Variants in OTUD7A observed in about 807,000 individuals in gnomAD.
The protein encoded by OTUD7A is OTU deubiquitinase 7A.
In OTUD7A, 12 loss-of-function variants were observed where a neutral mutation model predicts 65.7. The ratio of observed to expected loss-of-function variants is 0.18; its 90% CI spans 0.12 to 0.30. OTUD7A has a LOEUF of 0.30. OTUD7A is among the 10% of genes least tolerant of loss of function. The pLI is 1.00. For synonymous variants in OTUD7A, 641 were observed against 586.3 expected, an observed-to-expected ratio of 1.09 and a Z score of -1.35; for missense variants, 1,148 against 1,304.8, an observed-to-expected ratio of 0.88 and a Z score of 1.85.
At chr15:31,507,350 G>A (rs554141624) in intron 8 of OTUD7A, among the ~76,000 whole-genome samples, 1 of 152,206 alleles carries the variant, frequency 6.6e-6, no homozygotes, top group Admixed American at 6.5e-5. Context: ...TTTTAGATCT[G>A]TATGTTTTTT....
intron 1 of OTUD7A, among the ~76,000 whole-genome samples, chr15:31,750,976 G>A (rs1282628308): frequency 6.6e-6 from 1 of 152,068 alleles, no homozygotes; most frequent in Non-Finnish European, 1.5e-5. Context: ...AAAAATCCTA[G>A]AAGAAAACCT....
At chr15:31,690,988 T>C (rs1892948606) in intron 1 of OTUD7A, among the ~76,000 whole-genome samples, 1 of 151,968 alleles carries the variant, frequency 6.6e-6, no homozygotes, top group South Asian at 2.1e-4. Context: ...ATCAACAAAG[T>C]GAAAAGGCAA....
At chr15:31,512,850 G>A (rs1333497414) in intron 8 of OTUD7A, among the ~76,000 whole-genome samples, 2 of 152,144 alleles carry the variant, frequency 1.3e-5, no homozygotes, top group African/African-American at 4.8e-5. Flanking sequence ...TTTTTATTAT[G>A]GCTAGCAGAT....
At chr15:31,748,363 A>G (rs1894535908) in intron 1 of OTUD7A, among the ~76,000 whole-genome samples, 1 of 151,732 alleles carries the variant, frequency 6.6e-6, no homozygotes, top group Non-Finnish European at 1.5e-5. Context: ...ATTCATAAAT[A>G]TGCACATGTG....
chr15:31,636,134 T>C (rs1359874588), intron 3 of OTUD7A, among the ~76,000 whole-genome samples: 1 of 152,248 alleles, frequency 6.6e-6, no homozygotes, highest in Non-Finnish European at 1.5e-5. Context: ...TTTACTGTAT[T>C]GCCCTTTGAA....
chr15:31,671,599 T>A lies in OTUD7A; in HGVS notation c.-99-14522A>T, dbSNP rs1595699914. 3.9e-5 allele frequency among the ~76,000 whole-genome samples: 6 copies of A among 152,208 alleles called. No individual in the cohort carries two copies. In the South Asian group the frequency reaches 1.2e-3, roughly 32 times the overall value. The stretch of plus-strand genomic sequence containing the variant: ...ATTTTTTTCATAAAATCTACTAATA[T>A]GATGAATTATATTAATGTGCTTCCT... On this transcript the variant is annotated intron_variant, in intron 1 of 12. Transcript: ENST00000307050.
At chr15:31,571,374 C>A (rs934341004) in intron 3 of OTUD7A, among the ~76,000 whole-genome samples, 3 of 152,162 alleles carry the variant, frequency 2.0e-5, no homozygotes, top group Admixed American at 2.0e-4. Flanking sequence ...CGCAGAGGCC[C>A]ATGGTGAAAC....
intron 3 of OTUD7A, among the ~76,000 whole-genome samples, chr15:31,647,055 AT>A (rs1288172595): frequency 6.6e-6 from 1 of 151,732 alleles, no homozygotes; most frequent in Non-Finnish European, 1.5e-5. Context: ...TTTTTTTGAC[AT>A]TTTTTCCCCA....
chr15:31,819,895 GT>G (rs1450227904), intron 1 of OTUD7A, among the ~76,000 whole-genome samples: 7 of 152,000 alleles, frequency 4.6e-5, no homozygotes, highest in Non-Finnish European at 1.0e-4. Flanking sequence ...AGTATTTATG[GT>G]TTTGTGATTA....
At chr15:31,786,196 T>C (rs913944960) in intron 1 of OTUD7A, among the ~76,000 whole-genome samples, 1 of 152,190 alleles carries the variant, frequency 6.6e-6, no homozygotes, top group Admixed American at 6.5e-5. Context: ...TCAGCCTCCA[T>C]AACTGTAAAA....
intron 5 of OTUD7A, among the ~76,000 whole-genome samples, chr15:31,543,992 G>A (rs1280577817): frequency 6.6e-6 from 1 of 151,742 alleles, no homozygotes; most frequent in Non-Finnish European, 1.5e-5. Flanking sequence ...ATTCTGAATC[G>A]TGAAGCAAAG....
intron 1 of OTUD7A, among the ~76,000 whole-genome samples, chr15:31,696,205 C>CAGAGAACTCCTCTCCACAGAGG (rs1893079680): frequency 7.6e-6 from 1 of 132,292 alleles, no homozygotes; most frequent in African/African-American, 2.5e-5. Flanking sequence ...AGCATCATTA[C>CAGAGAACTCCTCTCCACAGAGG]AGAGAACTCC....
rs1273841693 is a variant in OTUD7A, at chr15:31,775,416, GA to G, written c.-100+95090del. Reference sequence around the variant, plus strand: ...GAGTTTATACTCCAATAAGAACAGAGAAAAAAATAAATAAATTAAACAATAG... The same window carrying G: ...GAGTTTATACTCCAATAAGAACAGAGAAAAAATAAATAAATTAAACAATAG... On this transcript the variant is annotated intron_variant, in intron 1 of 12. Coordinates refer to ENST00000307050, the MANE Select transcript of OTUD7A (RefSeq NM_001382637.1). Among the ~76,000 whole-genome samples, 6 of 145,370 alleles carry G rather than the reference GA, an allele frequency of 4.1e-5. No individual in the cohort carries two copies. In the South Asian group the frequency reaches 1.0e-3, roughly 25 times the overall value.
intron 1 of OTUD7A, among the ~76,000 whole-genome samples, chr15:31,688,260 T>C (rs2258562): frequency 0.24 from 35,418 of 149,276 alleles, 4,524 homozygotes; most frequent in African/African-American, 0.32. Flanking sequence ...CTTGTAGAAA[T>C]GACCTTAGCC....
chr15:31,670,710 G>A (rs561867315), intron 1 of OTUD7A, among the ~76,000 whole-genome samples: 12 of 152,002 alleles, frequency 7.9e-5, no homozygotes, highest in South Asian at 2.1e-4. Flanking sequence ...ATCTTCTCCC[G>A]GCCGGGCGCG....
At chr15:31,851,883 G>C (rs1050578400) in intron 1 of OTUD7A, among the ~76,000 whole-genome samples, 2 of 152,184 alleles carry the variant, frequency 1.3e-5, no homozygotes, top group African/African-American at 2.4e-5. Flanking sequence ...TTTTGAGACA[G>C]GGTGTCGCTC....
intron 5 of OTUD7A, among the ~76,000 whole-genome samples, chr15:31,550,201 C>T (rs1266140692): frequency 6.6e-6 from 1 of 151,832 alleles, no homozygotes; most frequent in East Asian, 1.9e-4. Context: ...CCTCCGAGAA[C>T]AGGATGTATT....
At chr15:31,666,546 C>T (rs1345315415) in intron 1 of OTUD7A, among the ~76,000 whole-genome samples, 1 of 151,996 alleles carries the variant, frequency 6.6e-6, no homozygotes, top group East Asian at 1.9e-4. Context: ...GTTAATCTTG[C>T]TAGTGGTCTT....
intron 8 of OTUD7A, among the ~76,000 whole-genome samples, chr15:31,504,416 G>A (rs867999652): frequency 6.6e-6 from 1 of 152,204 alleles, no homozygotes; most frequent in African/African-American, 2.4e-5. Context: ...ACCATGCCCA[G>A]GCTCACGTCT....
Sources: allele counts gnomAD v4.1 joint callset (sites outside exome capture counted in the v4.1 genomes callset), GRCh38; gene constraint gnomAD v4.1.1; transcripts MANE v1.5; gene names NCBI Gene and HGNC (gene_info 2026-07-23, HGNC 2026-07-21).